PTPRD: variants seen among roughly 807,000 people sequenced by gnomAD.
The protein encoded by PTPRD is receptor-type tyrosine-protein phosphatase delta.
Under a neutral mutation model 214.5 loss-of-function variants are expected in PTPRD, and 34 were observed. That is an observed-to-expected ratio of 0.16 (90% CI 0.12 to 0.21). PTPRD has a LOEUF of 0.21. Among genes scored for constraint, PTPRD ranks in the 10% least tolerant of loss-of-function variants. PTPRD has a pLI of 1.00. For synonymous variants in PTPRD, 1,128 were observed against 845.7 expected, an observed-to-expected ratio of 1.33 and a Z score of -5.79; for missense variants, 2,545 against 2,398.7, an observed-to-expected ratio of 1.06 and a Z score of -1.27.
intron 8 of PTPRD, among the ~76,000 whole-genome samples, chr9:9,548,412 T>TTC (rs1282882955): frequency 6.7e-6 from 1 of 148,702 alleles, no homozygotes; most frequent in Non-Finnish European, 1.5e-5. Flanking sequence ...TTTCTTTTTT[T>TTC]TTTTTTTTTT....
At chr9:8,581,913 CAAAAAAAAAAA>C (rs36007156) in intron 14 of PTPRD, among the ~76,000 whole-genome samples, 71 of 34,956 alleles carry the variant, frequency 2.0e-3, no homozygotes, top group East Asian at 4.2e-3. Flanking sequence ...ACTCAATCTC[CAAAAAAAAAAA>C]AAAAAAAAAA....
intron 9 of PTPRD, among the ~76,000 whole-genome samples, chr9:9,253,899 C>G (rs2099976538): frequency 6.6e-6 from 1 of 152,050 alleles, no homozygotes; most frequent in Admixed American, 6.6e-5. Context: ...CTGCAGAGGG[C>G]TTGGGGAGAG....
chr9:8,902,053 G>A (rs2098673157), intron 11 of PTPRD, among the ~76,000 whole-genome samples: 1 of 152,110 alleles, frequency 6.6e-6, no homozygotes, highest in Non-Finnish European at 1.5e-5. Context: ...TACACACACA[G>A]ATATCCCATA....
intron 2 of PTPRD, among the ~76,000 whole-genome samples, chr9:10,419,056 G>A (rs777284538): frequency 1.3e-5 from 2 of 151,826 alleles, no homozygotes; most frequent in Non-Finnish European, 2.9e-5. Context: ...CTGGCATTAG[G>A]GCTGAAGTAC....
intron 8 of PTPRD, among the ~76,000 whole-genome samples, chr9:9,530,976 T>C (rs996233598): frequency 3.3e-5 from 5 of 152,128 alleles, no homozygotes; most frequent in African/African-American, 1.2e-4. Context: ...TGTCTGATAG[T>C]AGAGTAAGCT....
Position 9,660,123 on chromosome 9 carries a change from C to T in PTPRD, c.-287+74410G>A, listed in dbSNP as rs984909844. ...TATTGGCCTAATTTTTATATGCTAA[C>T]AGTATTTTTGCACTTCAAAAATTTC... On this transcript the variant is annotated intron_variant, in intron 7 of 45. Coordinates refer to ENST00000381196, the MANE Select transcript of PTPRD (RefSeq NM_002839.4). Among the ~76,000 whole-genome samples, 8 of 152,068 alleles carry T rather than the reference C, an allele frequency of 5.3e-5. No individual in the cohort carries two copies. The South Asian group carries it at 6.2e-4, about 12-fold the overall frequency.
chr9:8,391,980 G>T (rs546736696), intron 36 of PTPRD, among the ~76,000 whole-genome samples: 1 of 129,366 alleles, frequency 7.7e-6, no homozygotes, highest in African/African-American at 3.7e-5. Context: ...TAACAAGGAG[G>T]GGGTAGGCTG....
At chr9:8,542,014 T>C (rs1809277228) in intron 14 of PTPRD, among the ~76,000 whole-genome samples, 1 of 152,014 alleles carries the variant, frequency 6.6e-6, no homozygotes, top group African/African-American at 2.4e-5. Context: ...CTTTTGCAAC[T>C]AGATGGAAGA....
rs117909500 is a variant in PTPRD at position 8,673,472 on chromosome 9, C to T, written c.65-36628G>A. Among the ~76,000 whole-genome samples the T allele has an allele frequency of 1.8e-3, 267 of 152,134 alleles. 1 individual carries two copies. The highest frequency in any genetic ancestry group is 0.015 in the East Asian group (75 of 5,172). Reference sequence around the variant, plus strand: ...ACAGTAGTAATAGCATATACTTTTCCTACTATAAAAGAAAATATGAACCTC... The same window carrying T: ...ACAGTAGTAATAGCATATACTTTTCTTACTATAAAAGAAAATATGAACCTC... On this transcript the variant is annotated intron_variant, in intron 12 of 45. Transcript: ENST00000381196.
At chr9:9,835,388 A>T (rs756758740) in intron 5 of PTPRD, among the ~76,000 whole-genome samples, 45 of 152,120 alleles carry the variant, frequency 3.0e-4, no homozygotes, top group Non-Finnish European at 5.1e-4. Context: ...CTTTTGAAGA[A>T]GGCTCAGAGC....
intron 10 of PTPRD, among the ~76,000 whole-genome samples, chr9:9,107,671 C>A (rs573387244): frequency 3.4e-4 from 52 of 152,218 alleles, no homozygotes; most frequent in Non-Finnish European, 6.5e-4. Context: ...GTCCTTGTCC[C>A]CTTTGGTTGG....
At chr9:10,070,381 T>A (rs1430296808) in intron 3 of PTPRD, among the ~76,000 whole-genome samples, 1 of 152,086 alleles carries the variant, frequency 6.6e-6, no homozygotes, top group Non-Finnish European at 1.5e-5. Context: ...TCTTGTTCAA[T>A]AAAATTAATT....
intron 10 of PTPRD, among the ~76,000 whole-genome samples, chr9:9,059,470 G>GA (rs1014100851): frequency 1.3e-5 from 2 of 152,002 alleles, no homozygotes; most frequent in African/African-American, 2.4e-5. Context: ...ACAAAAAGAA[G>GA]AAAAAACCAG....
At chr9:10,246,217 C>G (rs537488577) in intron 3 of PTPRD, among the ~76,000 whole-genome samples, 3 of 151,904 alleles carry the variant, frequency 2.0e-5, no homozygotes, top group Non-Finnish European at 4.4e-5. Context: ...TAAAGTGAAA[C>G]ATTAGTACCA....
chr9:8,823,338 T>C (rs1042214226), intron 11 of PTPRD, among the ~76,000 whole-genome samples: 8 of 152,206 alleles, frequency 5.3e-5, no homozygotes, highest in Non-Finnish European at 1.0e-4. Context: ...AACTTTTAAC[T>C]CAACAGCAAT....
intron 10 of PTPRD, among the ~76,000 whole-genome samples, chr9:9,054,378 A>C (rs1210938246): frequency 6.6e-6 from 1 of 152,158 alleles, no homozygotes; most frequent in Non-Finnish European, 1.5e-5. Context: ...GAAAGCTTAA[A>C]ATTTTTTGGT....
intron 11 of PTPRD, chr9:8,857,676 C>A (rs1174432414): frequency 1.3e-5 from 2 of 159,282 alleles, no homozygotes; most frequent in African/African-American, 2.4e-5. Context: ...GCCACCGCCT[C>A]CCGCGCCGCC....
chr9:8,563,792 G>T (rs2087564381), intron 14 of PTPRD, among the ~76,000 whole-genome samples: 1 of 152,116 alleles, frequency 6.6e-6, no homozygotes, highest in African/African-American at 2.4e-5. Flanking sequence ...CTCCAGAGTA[G>T]CTGGGACTAC....
intron 8 of PTPRD, among the ~76,000 whole-genome samples, chr9:9,405,685 T>G (rs1387341141): frequency 6.6e-6 from 1 of 152,084 alleles, no homozygotes; most frequent in Non-Finnish European, 1.5e-5. Context: ...AAGCATGCTC[T>G]CTAGAAGACA....
Sources: gnomAD v4.1 joint callset for allele counts (sites outside exome capture counted in the v4.1 genomes callset) on GRCh38, gnomAD v4.1.1 for gene constraint, MANE v1.5 for transcripts, NCBI Gene and HGNC (gene_info 2026-07-23, HGNC 2026-07-21) for gene names.